ESCO1: variants seen among roughly 807,000 people sequenced by gnomAD.
ESCO1 encodes establishment of sister chromatid cohesion N-acetyltransferase 1.
A neutral mutation model predicts 83.5 loss-of-function variants in ESCO1; 33 were observed. The observed-to-expected ratio is 0.40, with a 90% CI of 0.30 to 0.53. The LOEUF (loss-of-function observed/expected upper bound fraction) is 0.53, where lower values mean the gene tolerates loss of function less well. ESCO1 is among the 20% of genes least tolerant of loss of function. The pLI is 0.63. For synonymous variants in ESCO1, 332 were observed against 324.3 expected (o/e 1.02, Z -0.25); for missense variants, 855 against 968.0 (o/e 0.88, Z 1.55).
Position 21,574,239 on chromosome 18 carries a change from T to G in ESCO1, c.605A>C (p.Lys202Thr), listed in dbSNP as rs777525853. ...ATGTTCTACCTTGCGTTTTTTCCCT[T>G]TGGGAGAATTTATTACTTCATTAAT... ...LVINEVINSP[K>T]GKKRKVEHQT... is the part of the protein sequence containing the mutation. Residue 202 changes from lysine to threonine, a missense_variant, in exon 4 of 12, where the codon AAA becomes ACA. Transcript: ENST00000269214. 1 of 1,613,830 alleles carries G rather than the reference T, an allele frequency of 6.2e-7. No individual in the cohort carries two copies. The highest frequency in any genetic ancestry group is 8.5e-7 in the Non-Finnish European group (1 of 1,179,994).
rs756540306 is a variant in ESCO1, at chr18:21,564,210, A to C, written c.1814T>G (p.Leu605Trp). 4.7e-5 allele frequency: 75 copies of C among 1,589,446 alleles called. 1 individual carries two copies. The South Asian group carries it at 8.0e-4, about 17-fold the overall frequency. The change falls in exon 7 of 12, where the codon TTG (leucine) becomes TGG (tryptophan). Residue 605 changes from leucine (L) to tryptophan (W), a missense_variant. Leu to Trp is a moderately conservative substitution (Grantham distance 61). Around this residue, in one of 2 missense-constraint regions of ESCO1, gnomAD observed 726 missense variants for 699.5 expected, o/e 1.04. Coordinates refer to ENST00000269214, the MANE Select transcript of ESCO1 (RefSeq NM_052911.3). Reference protein sequence around the residue: ...KEAEKTDEKQLIIDAGQKRFG... With the variant: ...KEAEKTDEKQWIIDAGQKRFG... ...GTCAAGTTGTGTACTTACTATAATCAACTGTTTTTCATCAGTTTTCTCTGC... is the reference window on the plus strand; with the variant it reads ...GTCAAGTTGTGTACTTACTATAATCCACTGTTTTTCATCAGTTTTCTCTGC...
intron 1 of ESCO1, among the ~76,000 whole-genome samples, chr18:21,592,606 ACC>A (rs1176001660): frequency 9.3e-6 from 1 of 107,866 alleles, no homozygotes; most frequent in Non-Finnish European, 1.9e-5. Flanking sequence ...CGGGAGGCTG[ACC>A]CCCCCACCTC....
intron 8 of ESCO1, among the ~76,000 whole-genome samples, chr18:21,544,021 C>A (rs1289364407): frequency 6.6e-6 from 1 of 152,224 alleles, no homozygotes; most frequent in Admixed American, 6.5e-5. Context: ...CACCTGCAAT[C>A]CCAGCACTTT....
chr18:21,571,765 C>T (rs1271834207), intron 4 of ESCO1, among the ~76,000 whole-genome samples: 1 of 152,194 alleles, frequency 6.6e-6, no homozygotes, highest in Non-Finnish European at 1.5e-5. Flanking sequence ...TAAAAAGCCA[C>T]TACATCTCTG....
chr18:21,568,943 A>ATTAATT (rs2038300581), intron 4 of ESCO1, among the ~76,000 whole-genome samples: 1 of 152,048 alleles, frequency 6.6e-6, no homozygotes, highest in Non-Finnish European at 1.5e-5. Context: ...AGATATTAAA[A>ATTAATT]TTAATTTTAT....
At chr18:21,592,347 T>G (rs1226210823) in intron 1 of ESCO1, among the ~76,000 whole-genome samples, 2 of 144,194 alleles carry the variant, frequency 1.4e-5, no homozygotes, top group Non-Finnish European at 3.0e-5. Flanking sequence ...GCCCCTCACC[T>G]CCCGGACGAG....
At chr18:21,577,350 T>C (rs112671596) in intron 2 of ESCO1, among the ~76,000 whole-genome samples, 983 of 74,876 alleles carry the variant, frequency 0.013, 18 homozygotes, top group African/African-American at 0.048. Flanking sequence ...AGAGTGAGAC[T>C]CCATCTTTTT....
intron 1 of ESCO1, among the ~76,000 whole-genome samples, chr18:21,592,431 AC>A (rs1384352695): frequency 7.5e-4 from 81 of 107,886 alleles, no homozygotes; most frequent in African/African-American, 2.9e-3. Flanking sequence ...CGGGGGGCTG[AC>A]CCCCCCACCT....
intron 1 of ESCO1, among the ~76,000 whole-genome samples, chr18:21,592,386 C>T (rs2038685948): frequency 6.7e-6 from 1 of 150,054 alleles, no homozygotes; most frequent in African/African-American, 2.5e-5. Context: ...GACTGACCCC[C>T]CCCACCTCCC....
In ESCO1 at chr18:21,574,303, C is replaced by T. The variant is rs751213893; in HGVS notation, c.541G>A (p.Glu181Lys). 5.1e-5 allele frequency: 83 copies of T among 1,613,672 alleles called. No homozygotes were observed. Among genetic ancestry groups the T allele is most frequent in the Non-Finnish European group, 8.5e-6 (10 of 1,180,002 alleles). Reference protein sequence around the residue: ...SQKHVKRKVLEVKSDSKEDEN... With the variant: ...SQKHVKRKVLKVKSDSKEDEN... ...TCTTCTTTAGAGTCAGACTTTACTT[C>T]CAGTACTTTTCTCTTCACATGTTTT... The change falls in exon 4 of 12, where the codon GAA becomes AAA. Residue 181 changes from glutamate (E) to lysine (K), a missense_variant. Glu to Lys is a moderately conservative substitution (Grantham distance 56). Around this residue, in one of 2 missense-constraint regions of ESCO1, gnomAD observed 726 missense variants for 699.5 expected, o/e 1.04. Transcript: ENST00000269214.
At chr18:21,590,226 CTT>C (rs1182731940) in intron 1 of ESCO1, among the ~76,000 whole-genome samples, 5 of 143,444 alleles carry the variant, frequency 3.5e-5, no homozygotes. Flanking sequence ...AACCCTTTTT[CTT>C]TTTTTTTTTT....
In ESCO1 at chr18:21,594,925, C is replaced by CTGTGTGTGTGTG. The variant is rs35336026; in HGVS notation, c.-825+5686_-825+5697dup. 6.8e-3 allele frequency among the ~76,000 whole-genome samples: 977 copies of CTGTGTGTGTGTG among 143,768 alleles called. 5 individuals are homozygous for CTGTGTGTGTGTG. Among genetic ancestry groups the CTGTGTGTGTGTG allele is most frequent in the East Asian group, 0.018 (88 of 4,758 alleles). 94.3% of individuals were successfully genotyped at this position (143,768 alleles called of 152,430 possible). Reference sequence around the variant, plus strand: ...GATGGGCTAAAATAGTCTACAACTACTGTGTGTGTGTGTGTGTGTGTGTGT... The same window carrying CTGTGTGTGTGTG: ...GATGGGCTAAAATAGTCTACAACTACTGTGTGTGTGTGTGTGTGTGTGTGTGTGTGTGTGTGT... On this transcript the variant is annotated intron_variant, in intron 1 of 11. Coordinates refer to ENST00000269214, the MANE Select transcript of ESCO1 (RefSeq NM_052911.3).
intron 1 of ESCO1, among the ~76,000 whole-genome samples, chr18:21,595,991 T>TA (rs1024388323): frequency 5.3e-5 from 8 of 151,148 alleles, no homozygotes; most frequent in Admixed American, 1.3e-4. Context: ...ATAAATAAAA[T>TA]AAAAATAAAT....
chr18:21,597,214 A>C (rs911623686), intron 1 of ESCO1, among the ~76,000 whole-genome samples: 1 of 152,236 alleles, frequency 6.6e-6, no homozygotes, highest in Non-Finnish European at 1.5e-5. Flanking sequence ...TACTGGTCAT[A>C]AACTTCAACC....
At chr18:21,533,519 C>T (rs1046411450) in intron 10 of ESCO1, among the ~76,000 whole-genome samples, 1 of 152,110 alleles carries the variant, frequency 6.6e-6, no homozygotes. Context: ...TGGTCTTGAA[C>T]TCCTGGATTA....
chr18:21,592,796 G>A (rs1284715006), intron 1 of ESCO1, among the ~76,000 whole-genome samples: 12 of 150,840 alleles, frequency 8.0e-5, no homozygotes, highest in African/African-American at 2.7e-4. Flanking sequence ...TTCTCAGACG[G>A]GGCGGCTGCC....
intron 8 of ESCO1, among the ~76,000 whole-genome samples, chr18:21,558,694 T>G (rs1156829279): frequency 7.4e-6 from 1 of 134,288 alleles, no homozygotes; most frequent in Non-Finnish European, 1.5e-5. Flanking sequence ...ACCACTGCAC[T>G]CCAGCCTGGG....
At chr18:21,578,996 G>T (rs1303756690) in intron 2 of ESCO1, among the ~76,000 whole-genome samples, 1 of 152,124 alleles carries the variant, frequency 6.6e-6, no homozygotes, top group African/African-American at 2.4e-5. Context: ...GAGTAGCTGG[G>T]ATTACAGGCA....
intron 1 of ESCO1, among the ~76,000 whole-genome samples, chr18:21,590,603 A>C (rs2146232130): frequency 6.6e-6 from 1 of 152,264 alleles, no homozygotes; most frequent in East Asian, 1.9e-4. Flanking sequence ...TTTGTATTTC[A>C]ATTTTAATTG....
Sources: allele counts gnomAD v4.1 joint callset (sites outside exome capture counted in the v4.1 genomes callset), GRCh38; gene constraint gnomAD v4.1.1; regional missense constraint gnomAD v4.1.1; transcripts MANE v1.5; gene names NCBI Gene and HGNC (gene_info 2026-07-23, HGNC 2026-07-21).